TTC28: variants seen among roughly 807,000 people sequenced by gnomAD.
TTC28 encodes the protein tetratricopeptide repeat protein 28.
Under a neutral mutation model 198.0 loss-of-function variants are expected in TTC28, and 61 were observed. The ratio of observed to expected loss-of-function variants is 0.31; its 90% CI spans 0.25 to 0.38. TTC28 has a LOEUF of 0.38. TTC28 is among the 10% of genes least tolerant of loss of function. The probability of loss-of-function intolerance (pLI) is 1.00; values close to 1 mark genes in which losing one functional copy is unlikely to be tolerated. For missense variants in TTC28, 2,678 were observed against 3,164.0 expected (o/e 0.85, Z 3.69); for synonymous variants, 1,171 against 1,297.8 (o/e 0.90, Z 2.10).
At chr22:28,663,155 G>C (rs1569089935) in intron 1 of TTC28, among the ~76,000 whole-genome samples, 2 of 151,858 alleles carry the variant, frequency 1.3e-5, no homozygotes, top group Non-Finnish European at 2.9e-5. Flanking sequence ...GGCTGAGATA[G>C]GAGAATGGCG....
intron 12 of TTC28, among the ~76,000 whole-genome samples, chr22:28,093,324 G>A (rs1941867553): frequency 6.6e-6 from 1 of 152,212 alleles, no homozygotes; most frequent in Non-Finnish European, 1.5e-5. Context: ...TCATTCAGGA[G>A]ATGAGCAGAG....
chr22:28,597,469 T>C (rs1251876478), intron 2 of TTC28, among the ~76,000 whole-genome samples: 1 of 152,210 alleles, frequency 6.6e-6, no homozygotes, highest in African/African-American at 2.4e-5. Flanking sequence ...AGCATCTGAA[T>C]TGCTGGTTTA....
At chr22:28,332,280 A>G (rs531084383) in intron 2 of TTC28, among the ~76,000 whole-genome samples, 171 of 152,154 alleles carry the variant, frequency 1.1e-3, no homozygotes, top group African/African-American at 3.9e-3. Flanking sequence ...CAAGTAAAAA[A>G]CAATGCATAA....
At chr22:28,317,932 C>A (rs976782787) in intron 2 of TTC28, among the ~76,000 whole-genome samples, 1 of 152,050 alleles carries the variant, frequency 6.6e-6, no homozygotes, top group Admixed American at 6.6e-5. Flanking sequence ...GTTTTGGGGT[C>A]TTGCTCTGTC....
intron 2 of TTC28, among the ~76,000 whole-genome samples, chr22:28,375,044 T>TG (rs1244019912): frequency 6.6e-6 from 1 of 151,802 alleles, no homozygotes; most frequent in African/African-American, 2.4e-5. Context: ...GCTATGATCC[T>TG]GGCACTGCAC....
chr22:28,137,484 T>C (rs1049247313), intron 6 of TTC28, among the ~76,000 whole-genome samples: 22 of 152,096 alleles, frequency 1.4e-4, no homozygotes, highest in Non-Finnish European at 2.8e-4. Flanking sequence ...CTACCATTCC[T>C]GCAAGAACCT....
At chr22:28,187,366 T>C (rs996070314) in intron 5 of TTC28, among the ~76,000 whole-genome samples, 2 of 152,250 alleles carry the variant, frequency 1.3e-5, no homozygotes, top group African/African-American at 4.8e-5. Context: ...AGAATCTTTA[T>C]TTGCATTTGA....
intron 1 of TTC28, among the ~76,000 whole-genome samples, chr22:28,645,629 A>C (rs1055226239): frequency 6.6e-6 from 1 of 151,322 alleles, no homozygotes; most frequent in Non-Finnish European, 1.5e-5. Context: ...TACATCTCAA[A>C]AAAAAAAAAA....
intron 2 of TTC28, among the ~76,000 whole-genome samples, chr22:28,602,242 T>G (rs1378025782): frequency 1.3e-5 from 2 of 152,186 alleles, no homozygotes; most frequent in Admixed American, 1.3e-4. Flanking sequence ...GCCTGTAATG[T>G]GGGCACCTGG....
At chr22:28,462,260 T>A (rs9625477) in intron 2 of TTC28, among the ~76,000 whole-genome samples, 1 of 152,080 alleles carries the variant, frequency 6.6e-6, no homozygotes, top group Non-Finnish European at 1.5e-5. Context: ...CTTTAGCCAA[T>A]AGAATGTGAG....
intron 2 of TTC28, among the ~76,000 whole-genome samples, chr22:28,312,791 A>C (rs899258031): frequency 1.3e-5 from 2 of 152,216 alleles, no homozygotes; most frequent in Admixed American, 6.5e-5. Context: ...CTAACATCAC[A>C]ATTGAAAGAA....
chr22:28,529,668 GACACCTCAT>G (rs2049089066), intron 2 of TTC28, among the ~76,000 whole-genome samples: 1 of 152,192 alleles, frequency 6.6e-6, no homozygotes, highest in Non-Finnish European at 1.5e-5. Context: ...GGGGCCAACT[GACACCTCAT>G]ACAGCCAGGT....
At chr22:28,387,588 T>C (rs2046631414) in intron 2 of TTC28, among the ~76,000 whole-genome samples, 1 of 152,232 alleles carries the variant, frequency 6.6e-6, no homozygotes, top group Non-Finnish European at 1.5e-5. Flanking sequence ...ATTTCTCTGA[T>C]GGCCAGTGAT....
At chr22:28,418,329 A>G (rs550779537) in intron 2 of TTC28, among the ~76,000 whole-genome samples, 56 of 152,320 alleles carry the variant, frequency 3.7e-4, no homozygotes, top group African/African-American at 1.2e-3. Context: ...TCAACCCCCA[A>G]TGACGGCAGT....
intron 2 of TTC28, among the ~76,000 whole-genome samples, chr22:28,522,690 A>G (rs1040219797): frequency 5.3e-5 from 8 of 152,192 alleles, no homozygotes; most frequent in African/African-American, 1.4e-4. Flanking sequence ...AGAATAAAAT[A>G]CTAAAAAAGG....
intron 2 of TTC28, among the ~76,000 whole-genome samples, chr22:28,414,913 T>A (rs1366695412): frequency 6.6e-6 from 1 of 152,180 alleles, no homozygotes; most frequent in Admixed American, 6.5e-5. Flanking sequence ...TCTTAAAAAA[T>A]TTGTCATGAG....
intron 12 of TTC28, among the ~76,000 whole-genome samples, chr22:28,034,964 A>T (rs73166782): frequency 0.019 from 2,906 of 152,296 alleles, 37 homozygotes; most frequent in Non-Finnish European, 0.03. Flanking sequence ...TGGCTCATGA[A>T]TCAAGCACCT....
At chr22:28,454,879 T>C (rs2047835193) in intron 2 of TTC28, among the ~76,000 whole-genome samples, 2 of 152,188 alleles carry the variant, frequency 1.3e-5, no homozygotes, top group African/African-American at 4.8e-5. Flanking sequence ...CAGCCTTAAG[T>C]GAGATAGTCA....
At chr22:27,989,118 A>G (rs966029938) in intron 21 of TTC28, among the ~76,000 whole-genome samples, 5 of 152,152 alleles carry the variant, frequency 3.3e-5, no homozygotes, top group African/African-American at 9.7e-5. Flanking sequence ...CTTGTGTTCT[A>G]TCAACAGATG....
Sources: gnomAD v4.1 joint callset for allele counts (sites outside exome capture counted in the v4.1 genomes callset) on GRCh38, gnomAD v4.1.1 for gene constraint, MANE v1.5 for transcripts, NCBI Gene and HGNC (gene_info 2026-07-23, HGNC 2026-07-21) for gene names.